STXBP5L: variants seen among roughly 807,000 people sequenced by gnomAD.
STXBP5L encodes the protein syntaxin-binding protein 5-like.
STXBP5L carries 65 observed loss-of-function variants against 144.5 expected under a neutral mutation model. That is an observed-to-expected ratio of 0.45 (90% CI 0.37 to 0.55). The LOEUF is 0.55. STXBP5L is among the 20% of genes least tolerant of loss of function. The pLI, the probability that STXBP5L is intolerant of heterozygous loss-of-function variation, is 0.00. For synonymous variants in STXBP5L, 505 were observed against 469.6 expected (o/e 1.08, Z -0.97); for missense variants, 1,298 against 1,405.5 (o/e 0.92, Z 1.22).
At chr3:121,144,139 TAAA>T (rs3070611) in intron 7 of STXBP5L, among the ~76,000 whole-genome samples, 166 of 134,492 alleles carry the variant, frequency 1.2e-3, no homozygotes, top group Middle Eastern at 8.1e-3. Flanking sequence ...AACTCAATAG[TAAA>T]AAAAAAAAAA....
At chr3:121,360,900 G>C (rs757074123) in intron 20 of STXBP5L, among the ~76,000 whole-genome samples, 3 of 151,960 alleles carry the variant, frequency 2.0e-5, no homozygotes, top group Non-Finnish European at 4.4e-5. Flanking sequence ...GTACCTTCAG[G>C]TGGTTATATA....
At chr3:120,984,097 G>T (rs986350237) in intron 3 of STXBP5L, among the ~76,000 whole-genome samples, 3 of 152,060 alleles carry the variant, frequency 2.0e-5, no homozygotes, top group African/African-American at 7.2e-5. Flanking sequence ...GGTTCCCATG[G>T]GATGGGACTG....
At position 121,304,081 on chromosome 3, in the gene STXBP5L, C is replaced by G. The variant is rs557729474; in HGVS notation, c.2111-14394C>G. 6.6e-5 allele frequency among the ~76,000 whole-genome samples: 10 copies of G among 151,364 alleles called. 2 individuals carry two copies. The South Asian group carries it at 2.1e-3, about 32-fold the overall frequency. On this transcript the variant is annotated intron_variant, in intron 19 of 26. Coordinates refer to ENST00000471454, the MANE Select transcript of STXBP5L (RefSeq NM_001308330.2). ...AGGGGAAAAGAATTCCATGAAAACA[C>G]TATCCCCAAAAAAGCTGATATGGCT...
Position 121,420,612 on chromosome 3 carries a change from T to C in STXBP5L, c.*1515T>C, listed in dbSNP as rs1476381282. 1 of 152,136 alleles carries C rather than the reference T, an allele frequency of 6.6e-6. No homozygotes were observed. 9.4% of individuals were successfully genotyped at this position (152,136 alleles called of 1,614,324 possible). ...GGAAGTCAAAAGTTATAGGAATGTATATATACACATTCCAGGACCCATCCT... is the reference window on the plus strand; with the variant it reads ...GGAAGTCAAAAGTTATAGGAATGTACATATACACATTCCAGGACCCATCCT... On this transcript the variant is annotated 3_prime_UTR_variant, in exon 27 of 27. Coordinates refer to ENST00000471454, the MANE Select transcript of STXBP5L (RefSeq NM_001308330.2).
At chr3:121,284,561 T>C (rs551136138) in intron 19 of STXBP5L, among the ~76,000 whole-genome samples, 1 of 152,188 alleles carries the variant, frequency 6.6e-6, no homozygotes, top group East Asian at 1.9e-4. Context: ...ATATCTAAAA[T>C]TCTTTATATT....
intron 19 of STXBP5L, among the ~76,000 whole-genome samples, chr3:121,294,062 A>G (rs890080801): frequency 6.6e-6 from 1 of 152,252 alleles, no homozygotes; most frequent in African/African-American, 2.4e-5. Context: ...ATTTTAATTT[A>G]AGCAGGGGAA....
At chr3:120,980,713 A>T (rs942798974) in intron 3 of STXBP5L, among the ~76,000 whole-genome samples, 1 of 152,154 alleles carries the variant, frequency 6.6e-6, no homozygotes, top group African/African-American at 2.4e-5. Flanking sequence ...CAAGGTTAAT[A>T]TTCATATGTG....
intron 8 of STXBP5L, among the ~76,000 whole-genome samples, chr3:121,153,531 C>T (rs1451771001): frequency 2.0e-5 from 3 of 151,890 alleles, no homozygotes; most frequent in Admixed American, 6.6e-5. Flanking sequence ...AGAACACTTC[C>T]TTATTTTATC....
chr3:121,097,595 G>C (rs1483332494), intron 5 of STXBP5L, among the ~76,000 whole-genome samples: 1 of 152,128 alleles, frequency 6.6e-6, no homozygotes, highest in South Asian at 2.1e-4. Flanking sequence ...GCACTTCCTG[G>C]GTGAGGCGAT....
intron 9 of STXBP5L, among the ~76,000 whole-genome samples, chr3:121,178,262 A>C (rs2047011984): frequency 6.6e-6 from 1 of 152,232 alleles, no homozygotes; most frequent in Admixed American, 6.5e-5. Flanking sequence ...ACTGAAAAAT[A>C]GTTGATTTTA....
chr3:121,051,945 A>G (rs1218202266), intron 5 of STXBP5L, among the ~76,000 whole-genome samples: 1 of 152,224 alleles, frequency 6.6e-6, no homozygotes, highest in Non-Finnish European at 1.5e-5. Flanking sequence ...AGAGAATATT[A>G]CAAACACCTC....
intron 9 of STXBP5L, 78 bp from the exon 10 acceptor site, chr3:121,205,845 T>G (rs2048314599): frequency 1.0e-5 from 7 of 689,966 alleles, no homozygotes; most frequent in Middle Eastern, 4.3e-4. Flanking sequence ...TATCTTTAAA[T>G]TCCCTTAGTC....
At chr3:121,313,739 C>T (rs1186813498) in intron 19 of STXBP5L, among the ~76,000 whole-genome samples, 1 of 117,274 alleles carries the variant, frequency 8.5e-6, no homozygotes, top group Non-Finnish European at 1.8e-5. Flanking sequence ...GGGGGCTGAC[C>T]CCCCCCACCT....
chr3:121,366,713 A>G (rs1175675962), intron 20 of STXBP5L, among the ~76,000 whole-genome samples: 1 of 152,046 alleles, frequency 6.6e-6, no homozygotes, highest in Non-Finnish European at 1.5e-5. Context: ...CTATCTTTTG[A>G]GTAGAGGCTT....
At chr3:121,112,134 C>G (rs114717994) in intron 5 of STXBP5L, among the ~76,000 whole-genome samples, 1 of 152,064 alleles carries the variant, frequency 6.6e-6, no homozygotes, top group Non-Finnish European at 1.5e-5. Flanking sequence ...CACCCCTCCC[C>G]CCAGGACTCA....
chr3:121,415,626 GGAA>G (rs1223912771), intron 24 of STXBP5L, among the ~76,000 whole-genome samples: 1 of 152,054 alleles, frequency 6.6e-6, no homozygotes, highest in African/African-American at 2.4e-5. Flanking sequence ...TTTGATGGAA[GGAA>G]GAAGAGAAGA....
At chr3:121,352,022 T>C (rs1468562698) in intron 20 of STXBP5L, among the ~76,000 whole-genome samples, 2 of 152,248 alleles carry the variant, frequency 1.3e-5, no homozygotes, top group East Asian at 1.9e-4. Flanking sequence ...CTGAGGGCTC[T>C]ATTCTGTTCC....
At chr3:121,287,808 G>A (rs572385818) in intron 19 of STXBP5L, among the ~76,000 whole-genome samples, 1 of 152,116 alleles carries the variant, frequency 6.6e-6, no homozygotes, top group South Asian at 2.1e-4. Flanking sequence ...CAGCCTGAGT[G>A]ACAGAGCGAG....
At chr3:121,186,644 C>T (rs989265681) in intron 9 of STXBP5L, among the ~76,000 whole-genome samples, 4 of 152,036 alleles carry the variant, frequency 2.6e-5, no homozygotes, top group African/African-American at 9.7e-5. Flanking sequence ...GGGATGAAGC[C>T]CACTTGATCA....
Sources: allele counts gnomAD v4.1 joint callset (sites outside exome capture counted in the v4.1 genomes callset), GRCh38; gene constraint gnomAD v4.1.1; transcripts MANE v1.5; gene names NCBI Gene and HGNC (gene_info 2026-07-23, HGNC 2026-07-21).